Variants in AXDND1 observed in about 807,000 individuals in gnomAD.
AXDND1 encodes the protein axonemal dynein light chain domain-containing protein 1.
AXDND1 carries 110 observed loss-of-function variants against 137.5 expected under a neutral mutation model. The observed-to-expected ratio is 0.80, with a 90% CI of 0.69 to 0.94. The LOEUF (loss-of-function observed/expected upper bound fraction) is 0.94, where lower values mean the gene tolerates loss of function less well. AXDND1 is among the 40% of genes least tolerant of loss of function. The probability of loss-of-function intolerance (pLI) is 0.00; values close to 1 mark genes in which losing one functional copy is unlikely to be tolerated. For missense variants in AXDND1, 1,191 were observed against 1,169.8 expected (o/e 1.02, Z -0.26); for synonymous variants, 414 against 399.7 (o/e 1.04, Z -0.43).
At chr1:179,407,521 G>A (rs906525440) in intron 11 of AXDND1, among the ~76,000 whole-genome samples, 4 of 152,042 alleles carry the variant, frequency 2.6e-5, no homozygotes, top group Admixed American at 2.0e-4. Flanking sequence ...CACTGTGCCT[G>A]GCCTCTTTTT....
At chr1:179,481,780 T>C (rs910296719) in intron 17 of AXDND1, among the ~76,000 whole-genome samples, 3 of 152,180 alleles carry the variant, frequency 2.0e-5, no homozygotes, top group African/African-American at 7.2e-5. Context: ...GCATAAATTA[T>C]CTATTGTTTT....
chr1:179,517,173 G>A (rs1669623346), intron 21 of AXDND1, among the ~76,000 whole-genome samples: 2 of 152,178 alleles, frequency 1.3e-5, no homozygotes, highest in African/African-American at 4.8e-5. Flanking sequence ...GTGGAGTTAT[G>A]TACCTAGGAG....
intron 9 of AXDND1, among the ~76,000 whole-genome samples, chr1:179,389,123 G>A (rs541503477): frequency 1.8e-4 from 27 of 151,006 alleles, no homozygotes; most frequent in African/African-American, 3.6e-4. Flanking sequence ...ACAGGCATGC[G>A]CCACCATGCC....
At chr1:179,517,558 G>A (rs746698326) in intron 21 of AXDND1, among the ~76,000 whole-genome samples, 4 of 152,164 alleles carry the variant, frequency 2.6e-5, no homozygotes, top group African/African-American at 4.8e-5. Context: ...CCGCCCTCCC[G>A]AAGGATCCCT....
chr1:179,545,360 C>G (rs1156307140), intron 25 of AXDND1: 1 of 152,242 alleles, frequency 6.6e-6, no homozygotes, highest in African/African-American at 2.4e-5. Context: ...CTGGCCAGGC[C>G]TGTCATTGGC....
rs769119401 is a variant in AXDND1, at chr1:179,366,497, G to C, written c.-13G>C. ...ATTTCAAATTACTAAAGAGATAGGAGGCATTGTTTATTATGTCTCTCCCGA... is the reference window on the plus strand; with the variant it reads ...ATTTCAAATTACTAAAGAGATAGGACGCATTGTTTATTATGTCTCTCCCGA... On this transcript the variant is annotated 5_prime_UTR_variant, in exon 2 of 26. Transcript: ENST00000367618. 3 of 1,590,680 alleles carry C rather than the reference G, an allele frequency of 1.9e-6. No individual in the cohort carries two copies. The East Asian group carries it at 6.7e-5, about 36-fold the overall frequency.
At chr1:179,492,332 C>A (rs947814608) in intron 19 of AXDND1, among the ~76,000 whole-genome samples, 1 of 152,072 alleles carries the variant, frequency 6.6e-6, no homozygotes, top group Non-Finnish European at 1.5e-5. Context: ...ACCTTGGCCT[C>A]CCAAAGTCCT....
At chr1:179,408,964 C>CTTTTTTTTTT (rs1260445380) in intron 11 of AXDND1, among the ~76,000 whole-genome samples, 1 of 71,976 alleles carries the variant, frequency 1.4e-5, no homozygotes, top group African/African-American at 5.4e-5. Context: ...TTCTTTTTTT[C>CTTTTTTTTTT]TTTCTTTTTT....
intron 9 of AXDND1, among the ~76,000 whole-genome samples, chr1:179,393,352 C>G (rs1404084454): frequency 6.6e-6 from 1 of 152,146 alleles, no homozygotes; most frequent in Non-Finnish European, 1.5e-5. Flanking sequence ...CCGTACCATG[C>G]TGTTTTGGTA....
At position 179,525,438 on chromosome 1, in the gene AXDND1, A is replaced by G. The variant is rs758006685; in HGVS notation, c.2601A>G (p.Arg867=). The part of the protein sequence containing the change: ...DRKLQEENKE[R]AEEQPSTSTE... ...AACTTCAGGAGGAAAATAAAGAGAG[A>G]GCAGAAGAAGTAAGATTATTTGGTA... The change falls in exon 22 of 26, where the codon AGA becomes AGG. Residue 867 remains arginine, a synonymous_variant. Coordinates refer to ENST00000367618, the MANE Select transcript of AXDND1 (RefSeq NM_144696.6). 6.2e-7 allele frequency: 1 copy of G among 1,608,574 alleles called. No homozygotes were observed. Among genetic ancestry groups the G allele is most frequent in the South Asian group, 1.1e-5 (1 of 90,498 alleles).
intron 20 of AXDND1, among the ~76,000 whole-genome samples, chr1:179,499,662 G>A (rs956495379): frequency 6.6e-6 from 1 of 152,130 alleles, no homozygotes; most frequent in Admixed American, 6.6e-5. Context: ...AAAAGGAGAT[G>A]ATCAAGAGAG....
chr1:179,487,995 C>CAAAAAAA (rs71114524), intron 18 of AXDND1, among the ~76,000 whole-genome samples: 9 of 101,498 alleles, frequency 8.9e-5, no homozygotes, highest in East Asian at 2.2e-4. Context: ...GACCATGTCT[C>CAAAAAAA]AAAAAAAAAA....
intron 4 of AXDND1, among the ~76,000 whole-genome samples, chr1:179,371,210 T>C (rs1668003847): frequency 6.6e-6 from 1 of 152,026 alleles, no homozygotes; most frequent in African/African-American, 2.4e-5. Flanking sequence ...GGCAGATCAT[T>C]TGAGGTCAGG....
chr1:179,448,020 T>A (rs1330682987), intron 16 of AXDND1: 5 of 1,388,004 alleles, frequency 3.6e-6, no homozygotes, highest in South Asian at 1.2e-5. Context: ...GGCTTTTCAC[T>A]GGAACTGTGA....
intron 22 of AXDND1, 85 bp from the exon 23 acceptor site, chr1:179,528,242 T>C: frequency 1.1e-6 from 1 of 874,314 alleles, no homozygotes; most frequent in East Asian, 2.6e-5. Flanking sequence ...TCCAACATGG[T>C]GCCAGGAAAC....
Position 179,445,060 on chromosome 1 carries a change from T to G in AXDND1, c.1654T>G (p.Trp552Gly). The G allele has an allele frequency of 1.2e-6, 2 of 1,613,530 alleles. No homozygotes were observed. The highest frequency in any genetic ancestry group is 1.7e-6 in the Non-Finnish European group (2 of 1,179,534). ...LKIIKHLQEN[W>G]ADIGLGIFNR... ...GATTATTAAACATTTACAGGAAAAC[T>G]GGGCAGATATTGGGCTTGGGATATT... Residue 552 changes from tryptophan to glycine, a missense_variant, in exon 16 of 26, where the codon TGG becomes GGG. Coordinates refer to ENST00000367618, the MANE Select transcript of AXDND1 (RefSeq NM_144696.6).
rs770521845 is a variant in AXDND1 at position 179,483,185 on chromosome 1, T to C, written c.2055T>C (p.Asn685=). 4 of 1,611,134 alleles carry C rather than the reference T, an allele frequency of 2.5e-6. No homozygotes were observed. In the South Asian group the frequency reaches 4.4e-5, roughly 18 times the overall value. The change falls in exon 18 of 26, where the codon AAT becomes AAC. Residue 685 remains asparagine (N), a synonymous_variant. Transcript: ENST00000367618. ...MIQQWLLKIG[N]EINNGNIELQ... ...AACAATGGCTTTTGAAGATAGGCAA[T>C]GAAATTAACAACGGTAACATTGAAC...
In AXDND1 at chr1:179,444,989, A is replaced by T; in HGVS notation, c.1583A>T (p.Glu528Val). Residue 528 changes from glutamate to valine, a missense_variant, in exon 16 of 26, where the codon GAA becomes GTA. By Grantham distance (121) the Glu-to-Val change is moderately radical (BLOSUM62 -2). Coordinates refer to ENST00000367618, the MANE Select transcript of AXDND1 (RefSeq NM_144696.6). The part of the protein sequence containing the change: ...QWQKILNEKK[E>V]EFTGDVLLSK... ...CTTTAGATCCTGAATGAGAAAAAAG[A>T]AGAGTTTACTGGGGATGTTCTACTG... 6.2e-7 allele frequency: 1 copy of T among 1,608,010 alleles called. No individual in the cohort carries two copies. The highest frequency in any genetic ancestry group is 8.5e-7 in the Non-Finnish European group (1 of 1,175,294).
intron 11 of AXDND1, among the ~76,000 whole-genome samples, chr1:179,402,887 G>C (rs912257438): frequency 6.6e-6 from 1 of 152,150 alleles, no homozygotes; most frequent in African/African-American, 2.4e-5. Flanking sequence ...TCTTCATATT[G>C]CTAAATCCAA....
Sources: allele counts gnomAD v4.1 joint callset (sites outside exome capture counted in the v4.1 genomes callset), GRCh38; gene constraint gnomAD v4.1.1; transcripts MANE v1.5; gene names NCBI Gene and HGNC (gene_info 2026-07-23, HGNC 2026-07-21).